ABHD14B: variants seen among roughly 807,000 people sequenced by gnomAD.
The protein encoded by ABHD14B is abhydrolase domain containing 14B.
ABHD14B carries 19 observed loss-of-function variants against 15.4 expected under a neutral mutation model. The observed-to-expected ratio is 1.23, with a 90% CI of 0.86 to 1.81. The LOEUF (loss-of-function observed/expected upper bound fraction) is 1.81. Ranked by LOEUF, ABHD14B falls within the 40% of genes most tolerant of loss-of-function variation. ABHD14B has a pLI of 0.00. For synonymous variants in ABHD14B, 92 were observed against 117.3 expected, an observed-to-expected ratio of 0.78 and a Z score of 1.39; for missense variants, 243 against 267.0, an observed-to-expected ratio of 0.91 and a Z score of 0.63.
At chr3:51,970,241 G>A in intron 2 of ABHD14B, 57 bp from the exon 3 acceptor site, 2 of 1,514,930 alleles carry the variant, frequency 1.3e-6, no homozygotes, top group Non-Finnish European at 1.8e-6. Context: ...GCAAAACAAG[G>A]GAGATGGTTG....
At position 51,971,659 on chromosome 3, in the gene ABHD14B, G is replaced by C; in HGVS notation, c.12C>G (p.Ser4Arg). Residue 4 changes from serine to arginine, a missense_variant, in exon 2 of 4, where the codon AGC (serine) becomes AGG (arginine). Physicochemically the swap from Ser to Arg is moderately radical, Grantham distance 110 (BLOSUM62 -1). Coordinates refer to ENST00000361143, the MANE Select transcript of ABHD14B (RefSeq NM_001146314.2). ...GGATGGTGCCCTCGCGCTGCTCCAC[G>C]CTTGCTGCCATGCCTGCTGCTGCTG... MAA[S>R]VEQREGTIQV... 1 of 1,611,282 alleles carries C rather than the reference G, an allele frequency of 6.2e-7. No individual in the cohort carries two copies. Among genetic ancestry groups the C allele is most frequent in the Non-Finnish European group, 8.5e-7 (1 of 1,179,100 alleles).
upstream of ABHD14B, chr3:51,974,569 T>A (rs1167481909): frequency 6.1e-6 from 1 of 165,214 alleles, no homozygotes; most frequent in African/African-American, 2.4e-5. Context: ...ACGCGGAGCC[T>A]TGGGCTGGGA....
At position 51,971,357 on chromosome 3, in the gene ABHD14B, G is replaced by A. The variant is rs537561573; in HGVS notation, c.211+103C>T. The A allele has an allele frequency of 1.3e-4, 171 of 1,333,068 alleles. No homozygotes were observed. The African/African-American group carries it at 2.2e-3, about 17-fold the overall frequency. 82.6% of individuals were successfully genotyped at this position (1,333,068 alleles called of 1,614,324 possible). A position where few individuals can be genotyped will look rare whatever the true frequency, so the allele number is the denominator to read the frequency against. On this transcript the variant is annotated intron_variant, in intron 2 of 3. Transcript: ENST00000361143. ...CTGGCTGGGTCCTCCAGATCCCACCGCCCCCACCCCTGGAGTGGGGAGGGG... is the reference window on the plus strand; with the variant it reads ...CTGGCTGGGTCCTCCAGATCCCACCACCCCCACCCCTGGAGTGGGGAGGGG...
intron 1 of ABHD14B, among the ~76,000 whole-genome samples, chr3:51,973,332 G>A (rs1424128257): frequency 2.0e-5 from 3 of 151,844 alleles, no homozygotes; most frequent in East Asian, 1.9e-4. Flanking sequence ...TTACAGGCGT[G>A]AGCCACCGTG....
chr3:51,970,069 A>T lies in ABHD14B; in HGVS notation c.327T>A (p.Ser109Arg). ...GGGAGTACATGCCACTCAGTGATGG[A>T]CTGATCACAACCGGGGGGCCCAGCT... ...ALELGPPVVISPSLSGMYSLP... is the reference protein window; with the variant it reads ...ALELGPPVVIRPSLSGMYSLP... Residue 109 changes from serine (S) to arginine (R), a missense_variant, in exon 3 of 4, where the codon AGT (serine) becomes AGA (arginine). Physicochemically the swap from Ser to Arg is moderately radical, Grantham distance 110 (BLOSUM62 -1). Transcript: ENST00000361143. 1.2e-6 allele frequency: 2 copies of T among 1,611,674 alleles called. No individual in the cohort carries two copies. The highest frequency in any genetic ancestry group is 1.7e-6 in the Non-Finnish European group (2 of 1,178,466).
At chr3:51,970,469 CATTT>C in intron 2 of ABHD14B, 2 of 610,634 alleles carry the variant, frequency 3.3e-6, no homozygotes, top group South Asian at 3.3e-5. Context: ...CCCAATTCTG[CATTT>C]ATTGTCTATG....
chr3:51,971,578 A>G lies in ABHD14B; in HGVS notation c.93T>C (p.Ala31=). ...FREALPGSGQ[A]RFSVLLLHGI... ...CATGCAGCAGCAGTACAGAGAAGCG[A>G]GCCTGCCCACTGCCGGGCAGGGCCT... Residue 31 remains alanine (A), a synonymous_variant, in exon 2 of 4, where the codon GCT becomes GCC. Coordinates refer to ENST00000361143, the MANE Select transcript of ABHD14B (RefSeq NM_001146314.2). The G allele has an allele frequency of 6.2e-7, 1 of 1,613,650 alleles. No individual in the cohort carries two copies. Among genetic ancestry groups the G allele is most frequent in the Non-Finnish European group, 8.5e-7 (1 of 1,179,954 alleles).
intron 3 of ABHD14B, 74 bp downstream of exon 3, chr3:51,969,869 C>G: frequency 2.5e-6 from 4 of 1,612,466 alleles, no homozygotes; most frequent in Non-Finnish European, 3.4e-6. Context: ...ATCCAGCCCC[C>G]AGATGAGGAA....
intron 2 of ABHD14B, 121 bp from the exon 3 acceptor site, chr3:51,970,305 C>A: frequency 7.5e-7 from 1 of 1,338,684 alleles, no homozygotes; most frequent in Non-Finnish European, 1.0e-6. Flanking sequence ...GTTCCTGTAA[C>A]ACCCAGTGTG....
intron 2 of ABHD14B, 27 bp from the exon 3 acceptor site, chr3:51,970,211 C>A (rs762773322): frequency 2.0e-6 from 3 of 1,518,246 alleles, no homozygotes; most frequent in East Asian, 2.3e-5. Context: ...GTGAAAGAGA[C>A]AAGACAAGGG....
chr3:51,969,619 T>G lies in ABHD14B; in HGVS notation c.454-14A>C. ...CAGAGCTGGAGTCTGAGAGGAAGGA[T>G]AGGGGGGTGGGGCAGAGTCAACAGG... On this transcript the variant is annotated splice_polypyrimidine_tract_variant and intron_variant, in intron 3 of 3. Coordinates refer to ENST00000361143, the MANE Select transcript of ABHD14B (RefSeq NM_001146314.2). 1 of 1,605,762 alleles carries G rather than the reference T, an allele frequency of 6.2e-7. No individual in the cohort carries two copies. Among genetic ancestry groups the G allele is most frequent in the Non-Finnish European group, 8.5e-7 (1 of 1,175,362 alleles).
chr3:51,969,316 C>T lies in ABHD14B; in HGVS notation c.*110G>A. 1.6e-6 allele frequency: 2 copies of T among 1,263,130 alleles called. No homozygotes were observed. Among genetic ancestry groups the T allele is most frequent in the Non-Finnish European group, 2.2e-6 (2 of 908,418 alleles). 78.2% of individuals were successfully genotyped at this position (1,263,130 alleles called of 1,614,324 possible). ...AAAGACAAGAACCCAGACATATAGA[C>T]AGACGCACCTGTTGCATGTGCATGA... is the stretch of plus-strand genomic sequence containing the variant. On this transcript the variant is annotated 3_prime_UTR_variant, in exon 4 of 4. Transcript: ENST00000361143.
rs1577708012 is a variant in ABHD14B at position 51,969,584 on chromosome 3, C to T, written c.475G>A (p.Gly159Arg). ...GTCTGACCCATGGGGTCCTGGTCTC[C>T]ATATACAATCAGAGCTGGAGTCTGA... ...SVKTPALIVY[G>R]DQDPMGQTSF... The change falls in exon 4 of 4, where the codon GGA (glycine) becomes AGA (arginine). Residue 159 changes from glycine to arginine, a missense_variant. Gly to Arg is a moderately radical substitution (Grantham distance 125). Coordinates refer to ENST00000361143, the MANE Select transcript of ABHD14B (RefSeq NM_001146314.2). 6.2e-7 allele frequency: 1 copy of T among 1,613,232 alleles called. No individual in the cohort carries two copies. Among genetic ancestry groups the T allele is most frequent in the East Asian group, 2.2e-5 (1 of 44,878 alleles).
chr3:51,969,460 G>A lies in ABHD14B; in HGVS notation c.599C>T (p.Thr200Ile), dbSNP rs1219993552. Reference sequence around the variant, plus strand: ...CCCCTGCAGGAAGTCCAGCAGCCCTGTATGCCACTCCTCTGGTTTGTCCAG... The same window carrying A: ...CCCCTGCAGGAAGTCCAGCAGCCCTATATGCCACTCCTCTGGTTTGTCCAG... The part of the protein sequence containing the change: ...CYLDKPEEWH[T>I]GLLDFLQGLQ The change falls in exon 4 of 4, where the codon ACA becomes ATA. Residue 200 changes from threonine (T) to isoleucine (I), a missense_variant. Physicochemically the swap from Thr to Ile is moderately conservative, Grantham distance 89 (BLOSUM62 -1). Transcript: ENST00000361143. The A allele has an allele frequency of 1.9e-6, 3 of 1,613,688 alleles. No homozygotes were observed. Among genetic ancestry groups the A allele is most frequent in the Non-Finnish European group, 2.5e-6 (3 of 1,179,916 alleles).
intron 1 of ABHD14B, chr3:51,971,908 A>G (rs1700662106): frequency 3.9e-6 from 4 of 1,023,830 alleles, no homozygotes. Context: ...ATATGGGAAC[A>G]ATAAAGCCAA....
intron 1 of ABHD14B, among the ~76,000 whole-genome samples, chr3:51,973,220 T>G (rs1407181522): frequency 2.0e-5 from 3 of 148,346 alleles, no homozygotes; most frequent in East Asian, 3.9e-4. Context: ...AATTTTTTGT[T>G]TTTTTTTTTT....
In ABHD14B at chr3:51,969,220, T is replaced by C. The variant is rs538164945; in HGVS notation, c.*206A>G. The C allele has an allele frequency of 1.9e-6, 1 of 521,394 alleles. No homozygotes were observed. Among genetic ancestry groups the C allele is most frequent in the East Asian group, 3.3e-5 (1 of 30,546 alleles). 32.3% of individuals were successfully genotyped at this position (521,394 alleles called of 1,614,324 possible). A position where few individuals can be genotyped will look rare whatever the true frequency, so the allele number is the denominator to read the frequency against. The stretch of plus-strand genomic sequence containing the variant: ...ATTATGTTCCTTGATTCCTGAGAGT[T>C]TTTTCTCTTGATTTTACCCCCTCAG... On this transcript the variant is annotated 3_prime_UTR_variant, in exon 4 of 4. Coordinates refer to ENST00000361143, the MANE Select transcript of ABHD14B (RefSeq NM_001146314.2).
chr3:51,969,923 A>G lies in ABHD14B; in HGVS notation c.453+20T>C. On this transcript the variant is annotated intron_variant, in intron 3 of 3. Transcript: ENST00000361143. ...TCCTTGCTCCTGGCAGGGGCACCTC[A>G]GCTTCCCACACAAGGGTACCTTCAC... 3.7e-6 allele frequency: 6 copies of G among 1,614,200 alleles called. No homozygotes were observed. Among genetic ancestry groups the G allele is most frequent in the Non-Finnish European group, 5.1e-6 (6 of 1,180,014 alleles).
chr3:51,972,823 A>G (rs1224884287), intron 1 of ABHD14B, among the ~76,000 whole-genome samples: 1 of 152,198 alleles, frequency 6.6e-6, no homozygotes, highest in Non-Finnish European at 1.5e-5. Context: ...TGAGTTGTCA[A>G]TGCAGGCCAG....
Sources: allele counts gnomAD v4.1 joint callset (sites outside exome capture counted in the v4.1 genomes callset), GRCh38; gene constraint gnomAD v4.1.1; transcripts MANE v1.5; gene names NCBI Gene and HGNC (gene_info 2026-07-23, HGNC 2026-07-21).